CREBRF: variants seen among roughly 807,000 people sequenced by gnomAD.
CREBRF encodes CREB3 regulatory factor, also known as UPF0474 protein C5orf41.
Under a neutral mutation model 66.1 loss-of-function variants are expected in CREBRF, and 5 were observed. That is an observed-to-expected ratio of 0.08 (90% CI 0.04 to 0.16). CREBRF has a LOEUF of 0.16. CREBRF is among the 10% of genes least tolerant of loss of function. The pLI is 1.00. For missense variants in CREBRF, 531 were observed against 744.9 expected (o/e 0.71, Z 3.34); for synonymous variants, 229 against 264.4 (o/e 0.87, Z 1.30).
At chr5:173,082,946 A>AAAAAAAAAAAAAAAAAC (rs1561799560) in intron 2 of CREBRF, among the ~76,000 whole-genome samples, 1 of 124,640 alleles carries the variant, frequency 8.0e-6, no homozygotes, top group Non-Finnish European at 1.7e-5. Flanking sequence ...AAAAAAAAAA[A>AAAAAAAAAAAAAAAAAC]CCGGGTGCAG....
chr5:173,106,362 G>C (rs372579986), intron 4 of CREBRF, among the ~76,000 whole-genome samples: 2 of 151,642 alleles, frequency 1.3e-5, no homozygotes, highest in Non-Finnish European at 2.9e-5. Flanking sequence ...CCTGGGAGGC[G>C]GAGCTTGCAG....
chr5:173,110,965 A>AT (rs1561812190), intron 6 of CREBRF, among the ~76,000 whole-genome samples: 1 of 152,082 alleles, frequency 6.6e-6, no homozygotes, highest in Non-Finnish European at 1.5e-5. Flanking sequence ...TCATAGCTTT[A>AT]TTTTTTGTTT....
At chr5:173,115,600 A>G (rs564801882) in intron 7 of CREBRF, among the ~76,000 whole-genome samples, 1 of 152,122 alleles carries the variant, frequency 6.6e-6, no homozygotes, top group South Asian at 2.1e-4. Flanking sequence ...TTCCTTGTTC[A>G]GTGACACATT....
rs1758281362 is a variant in CREBRF at position 173,090,039 on chromosome 5, C to T, written c.136-276C>T. Among the ~76,000 whole-genome samples, 1 of 152,114 alleles carries T rather than the reference C, an allele frequency of 6.6e-6. No homozygotes were observed. The highest frequency in any genetic ancestry group is 6.6e-5 in the Admixed American group (1 of 15,258). On this transcript the variant is annotated intron_variant, in intron 3 of 8. Coordinates refer to ENST00000296953, the MANE Select transcript of CREBRF (RefSeq NM_153607.3). This position sits in a 1 kb window ranked among gnomAD's most constrained non-coding sequence, Gnocchi z 4.5. The stretch of plus-strand genomic sequence containing the variant: ...AGAATGTTTATGGTAAACTCAAGAG[C>T]CCTTGATATTTGGATCATACCTGAG...
intron 4 of CREBRF, among the ~76,000 whole-genome samples, chr5:173,098,595 A>T (rs948913683): frequency 6.6e-6 from 1 of 152,160 alleles, no homozygotes; most frequent in Non-Finnish European, 1.5e-5. Context: ...AGAATGTTCT[A>T]TATATGTCTG....
chr5:173,086,946 TTG>T (rs201453972), intron 3 of CREBRF, among the ~76,000 whole-genome samples: 1,519 of 92,240 alleles, frequency 0.016, 46 homozygotes, highest in African/African-American at 0.034. Context: ...CCAACTAATT[TTG>T]TTTTTTTTTT....
chr5:173,129,911 T>C (rs1363450063), intron 8 of CREBRF, among the ~76,000 whole-genome samples: 1 of 152,036 alleles, frequency 6.6e-6, no homozygotes, highest in Non-Finnish European at 1.5e-5. Flanking sequence ...ACTGCACCTC[T>C]GCCTCCCAGG....
chr5:173,092,753 T>C (rs1758382321), intron 4 of CREBRF, among the ~76,000 whole-genome samples: 1 of 152,226 alleles, frequency 6.6e-6, no homozygotes, highest in Admixed American at 6.5e-5. Flanking sequence ...GAATTTTTCC[T>C]TTGGTGAAAT....
In CREBRF at chr5:173,138,391, C is replaced by T. The variant is rs1423730955; in HGVS notation, c.*4646C>T. On this transcript the variant is annotated 3_prime_UTR_variant, in exon 9 of 9. Transcript: ENST00000296953. ...TGGGATTATGTGTTGAAGCATAGTC[C>T]TCATGCTTAATAAACTGACTGAAAT... is the stretch of plus-strand genomic sequence containing the variant. 1 of 152,128 alleles carries T rather than the reference C, an allele frequency of 6.6e-6. No individual in the cohort carries two copies. Among genetic ancestry groups the T allele is most frequent in the Non-Finnish European group, 1.5e-5 (1 of 68,026 alleles). The allele number at this position is 152,128 out of a possible 1,614,324, so 9.4% of individuals were successfully genotyped here.
intron 1 of CREBRF, among the ~76,000 whole-genome samples, chr5:173,068,551 C>A (rs1373248019): frequency 6.6e-6 from 1 of 152,150 alleles, no homozygotes; most frequent in Admixed American, 6.5e-5. Context: ...CTAAAGAGGC[C>A]TTTTCCCCTT....
chr5:173,120,472 C>T (rs1283021635), intron 7 of CREBRF, among the ~76,000 whole-genome samples: 7 of 151,458 alleles, frequency 4.6e-5, no homozygotes, highest in African/African-American at 9.7e-5. Flanking sequence ...CTCTGCCTCC[C>T]GGGTTCAAGC....
chr5:173,056,685 C>G (rs1757052104), intron 1 of CREBRF, among the ~76,000 whole-genome samples: 2 of 151,988 alleles, frequency 1.3e-5, no homozygotes, highest in Admixed American at 6.5e-5. Flanking sequence ...GCTCCGCTCC[C>G]CTCCCCCACC....
chr5:173,065,162 C>T (rs1320346864), intron 1 of CREBRF, among the ~76,000 whole-genome samples: 1 of 152,154 alleles, frequency 6.6e-6, no homozygotes, highest in Non-Finnish European at 1.5e-5. Flanking sequence ...GGAAGAAGGA[C>T]TGCTAACTCT....
chr5:173,130,895 C>T (rs549389000), intron 8 of CREBRF, among the ~76,000 whole-genome samples: 4 of 152,222 alleles, frequency 2.6e-5, no homozygotes, highest in East Asian at 1.9e-4. Context: ...TTAGTAGAGA[C>T]AGGGTTTCAC....
intron 2 of CREBRF, among the ~76,000 whole-genome samples, chr5:173,084,689 T>C (rs1758077895): frequency 6.6e-6 from 1 of 152,212 alleles, no homozygotes; most frequent in South Asian, 2.1e-4. Flanking sequence ...TTGCCCAGGC[T>C]GGAGTGCAGT....
chr5:173,092,083 A>G (rs958125723), intron 4 of CREBRF: 4 of 733,798 alleles, frequency 5.5e-6, no homozygotes, highest in Non-Finnish European at 6.7e-6. Context: ...GTCTGTCTCA[A>G]TAACAACAAA....
Position 173,123,222 on chromosome 5 carries a change from A to G in CREBRF, c.1804+20A>G. ...CTCTCGGTAAGAAGAATGCGAGATAAATTCATAACAATTAATAATATGTGT... is the reference window on the plus strand; with the variant it reads ...CTCTCGGTAAGAAGAATGCGAGATAGATTCATAACAATTAATAATATGTGT... On this transcript the variant is annotated intron_variant, in intron 8 of 8. Transcript: ENST00000296953. 6.3e-7 allele frequency: 1 copy of G among 1,584,090 alleles called. No individual in the cohort carries two copies.
chr5:173,100,114 G>GTATA lies in CREBRF; in HGVS notation c.1223-8509_1223-8508insATAT, dbSNP rs1257500250. 3.4e-5 allele frequency among the ~76,000 whole-genome samples: 4 copies of GTATA among 117,868 alleles called. 1 individual carries two copies. The highest frequency in any genetic ancestry group is 3.3e-4 in the Admixed American group (4 of 12,138). The allele number at this position is 117,868 out of a possible 152,430, so 77.3% of individuals were successfully genotyped here. A position where few individuals can be genotyped will look rare whatever the true frequency, so the allele number is the denominator to read the frequency against. On this transcript the variant is annotated intron_variant, in intron 4 of 8. Coordinates refer to ENST00000296953, the MANE Select transcript of CREBRF (RefSeq NM_153607.3). ...TGTGTGTGTGTGTGTGTGTGTGTGT[G>GTATA]TGTGTATATATATATAATTTTTTTT...
At chr5:173,081,526 CTA>C (rs1757941447) in intron 2 of CREBRF, among the ~76,000 whole-genome samples, 1 of 152,172 alleles carries the variant, frequency 6.6e-6, no homozygotes, top group Admixed American at 6.6e-5. Flanking sequence ...CCATACTGAG[CTA>C]TCCCTTGAGC....
Sources: gnomAD v4.1 joint callset for allele counts (sites outside exome capture counted in the v4.1 genomes callset) on GRCh38, gnomAD v4.1.1 for gene constraint, Gnocchi (gnomAD v3.1) non-coding constraint, MANE v1.5 for transcripts, NCBI Gene and HGNC (gene_info 2026-07-23, HGNC 2026-07-21) for gene names.